CNTNAP3: variants seen among roughly 807,000 people sequenced by gnomAD.
The protein encoded by CNTNAP3 is contactin-associated protein-like 3.
CNTNAP3 carries 36 observed loss-of-function variants against 92.1 expected under a neutral mutation model. That is an observed-to-expected ratio of 0.39 (90% confidence interval 0.30 to 0.52). CNTNAP3 has a LOEUF of 0.52. Among genes scored for constraint, CNTNAP3 ranks in the 20% least tolerant of loss-of-function variants. The probability of loss-of-function intolerance (pLI) is 0.76; values close to 1 mark genes in which losing one functional copy is unlikely to be tolerated. For missense variants in CNTNAP3, 534 were observed against 1,069.6 expected, an observed-to-expected ratio of 0.50 and a Z score of 6.98; for synonymous variants, 232 against 422.3, an observed-to-expected ratio of 0.55 and a Z score of 5.53.
At chr9:39,136,492 A>T (rs1821439376) in intron 12 of CNTNAP3, among the ~76,000 whole-genome samples, 1 of 152,054 alleles carries the variant, frequency 6.6e-6, no homozygotes, top group Non-Finnish European at 1.5e-5. Context: ...TCTCTCTTTC[A>T]CACTTTAAGT....
chr9:39,091,974 T>G (rs1460611162), intron 18 of CNTNAP3, among the ~76,000 whole-genome samples: 9 of 151,570 alleles, frequency 5.9e-5, no homozygotes, highest in Admixed American at 1.3e-4. Context: ...TGTGTTAATT[T>G]TGTAGTTAGT....
At chr9:39,120,989 A>C (rs1261199823) in intron 13 of CNTNAP3, among the ~76,000 whole-genome samples, 1 of 152,200 alleles carries the variant, frequency 6.6e-6, no homozygotes, top group Non-Finnish European at 1.5e-5. Context: ...TACATATTTC[A>C]TTATGAGAGT....
rs1201161550 is a variant in CNTNAP3 at position 39,069,727 on chromosome 9, G to A, written c.*4163C>T. On this transcript the variant is annotated 3_prime_UTR_variant, in exon 24 of 24. Coordinates refer to ENST00000297668, the MANE Select transcript of CNTNAP3 (RefSeq NM_033655.5). ...ATGTAACCTTCTTAAGGTTACATTT[G>A]CACTTAAGTATACCAACTTAAACCG... Among the ~76,000 whole-genome samples the A allele has an allele frequency of 1.1e-4, 16 of 152,334 alleles. No homozygotes were observed. The highest frequency in any genetic ancestry group is 3.9e-4 in the African/African-American group (16 of 41,520).
At chr9:39,118,504 C>T (rs1820916515) in intron 13 of CNTNAP3, among the ~76,000 whole-genome samples, 1 of 152,056 alleles carries the variant, frequency 6.6e-6, no homozygotes, top group African/African-American at 2.4e-5. Flanking sequence ...TATTAGAAAT[C>T]AGTCAGTTGC....
intron 14 of CNTNAP3, among the ~76,000 whole-genome samples, chr9:39,114,706 A>T (rs940669132): frequency 1.9e-4 from 29 of 152,060 alleles, no homozygotes; most frequent in African/African-American, 7.0e-4. Context: ...TATTATGATT[A>T]TTTGTACACT....
At chr9:39,135,578 T>C (rs932239355) in intron 12 of CNTNAP3, among the ~76,000 whole-genome samples, 2 of 152,172 alleles carry the variant, frequency 1.3e-5, no homozygotes, top group Non-Finnish European at 2.9e-5. Flanking sequence ...ATGATTTTGA[T>C]TGGAATTAAC....
chr9:39,138,620 A>G (rs1378056693), intron 12 of CNTNAP3, among the ~76,000 whole-genome samples: 2 of 152,190 alleles, frequency 1.3e-5, no homozygotes, highest in African/African-American at 2.4e-5. Flanking sequence ...TTTTTCTCCA[A>G]CATTCACTGT....
chr9:39,094,031 CTGTTTTTATT>C (rs1826273335), intron 18 of CNTNAP3, among the ~76,000 whole-genome samples: 1 of 141,976 alleles, frequency 7.0e-6, no homozygotes, highest in Non-Finnish European at 1.6e-5. Context: ...TTGTTATTTT[CTGTTTTTATT>C]TATTTATTTA....
chr9:39,099,873 T>A (rs1240595162), intron 18 of CNTNAP3, 38 bp downstream of exon 18: 2 of 1,600,534 alleles, frequency 1.2e-6, no homozygotes, highest in Non-Finnish European at 1.7e-6. Flanking sequence ...TTAAGTTTCA[T>A]GTACTTTCCC....
At chr9:39,104,695 CT>C (rs1025438350) in intron 15 of CNTNAP3, among the ~76,000 whole-genome samples, 4 of 152,020 alleles carry the variant, frequency 2.6e-5, no homozygotes, top group African/African-American at 9.7e-5. Context: ...GTACTTTTGA[CT>C]TTTTGGTATT....
intron 13 of CNTNAP3, among the ~76,000 whole-genome samples, chr9:39,131,896 G>A (rs916055604): frequency 2.0e-5 from 3 of 150,528 alleles, no homozygotes; most frequent in Non-Finnish European, 2.9e-5. Flanking sequence ...ATGCAGGTAT[G>A]GGTTAGCGGA....
rs578214274 is a variant in CNTNAP3, at chr9:39,152,896, G to T, written c.1478-2919C>A. On this transcript the variant is annotated intron_variant, in intron 9 of 23. Transcript: ENST00000297668. ...TTAGCCAGGATGGTCTTGATCTCCT[G>T]ACCTCGTGATCCACCTGCCTCGGCC... 9.5e-5 allele frequency among the ~76,000 whole-genome samples: 10 copies of T among 104,914 alleles called. 1 individual carries two copies. The highest frequency in any genetic ancestry group is 1.6e-4 in the Non-Finnish European group (9 of 54,728). The allele number at this position is 104,914 out of a possible 152,430, so 68.8% of individuals were successfully genotyped here.
rs1410108086 is a variant in CNTNAP3 at position 39,065,462 on chromosome 9, C to T, written c.*8428G>A. Among the ~76,000 whole-genome samples, 33 of 151,154 alleles carry T rather than the reference C, an allele frequency of 2.2e-4. No individual in the cohort carries two copies. Among genetic ancestry groups the T allele is most frequent in the African/African-American group, 7.8e-4 (32 of 41,010 alleles). On this transcript the variant is annotated 3_prime_UTR_variant, in exon 24 of 24. Coordinates refer to ENST00000297668, the MANE Select transcript of CNTNAP3 (RefSeq NM_033655.5). ...GTTCTTGTGTAAGTCTTATAATGGG[C>T]ATAAGTTTTCATTTCTTTTCAATCT... is the stretch of plus-strand genomic sequence containing the variant.
intron 23 of CNTNAP3, among the ~76,000 whole-genome samples, chr9:39,075,064 G>A (rs926980405): frequency 8.5e-5 from 13 of 152,274 alleles, no homozygotes; most frequent in African/African-American, 2.4e-4. Context: ...CACCGCGCCC[G>A]GCCGATAATA....
At chr9:39,082,731 T>G (rs973577652) in intron 21 of CNTNAP3, among the ~76,000 whole-genome samples, 4 of 152,274 alleles carry the variant, frequency 2.6e-5, no homozygotes, top group African/African-American at 7.2e-5. Context: ...ACAAAATCGG[T>G]GGATTCCCCA....
rs1271738566 is a variant in CNTNAP3 at position 39,149,991 on chromosome 9, C to A, written c.1478-14G>T. ...TGTCCAGGCAGCCTAAATATGAAGACAAAAATAGGACAAAAGCAACAACTA... is the reference window on the plus strand; with the variant it reads ...TGTCCAGGCAGCCTAAATATGAAGAAAAAAATAGGACAAAAGCAACAACTA... On this transcript the variant is annotated splice_polypyrimidine_tract_variant and intron_variant, in intron 9 of 23. Transcript: ENST00000297668. The A allele has an allele frequency of 3.7e-6, 6 of 1,610,826 alleles. No individual in the cohort carries two copies. Among genetic ancestry groups the A allele is most frequent in the African/African-American group, 1.3e-5 (1 of 74,714 alleles).
chr9:39,121,750 T>G (rs185157099), intron 13 of CNTNAP3, among the ~76,000 whole-genome samples: 148 of 149,824 alleles, frequency 9.9e-4, no homozygotes, highest in African/African-American at 3.4e-3. Flanking sequence ...CATCAAGTTC[T>G]CAGAATAAAG....
intron 21 of CNTNAP3, among the ~76,000 whole-genome samples, 183 bp from the exon 22 acceptor site, chr9:39,079,103 A>C (rs1181278164): frequency 6.6e-6 from 1 of 152,040 alleles, no homozygotes; most frequent in East Asian, 1.9e-4. Flanking sequence ...AACTATTTCC[A>C]TTGTCAGGGT....
intron 13 of CNTNAP3, among the ~76,000 whole-genome samples, chr9:39,120,324 T>C (rs1054642769): frequency 5.3e-5 from 8 of 152,160 alleles, no homozygotes; most frequent in Non-Finnish European, 1.0e-4. Flanking sequence ...TAGAAAAGAA[T>C]TGTCAACTAT....
Sources: allele counts gnomAD v4.1 joint callset (sites outside exome capture counted in the v4.1 genomes callset), GRCh38; gene constraint gnomAD v4.1.1; transcripts MANE v1.5; gene names NCBI Gene and HGNC (gene_info 2026-07-23, HGNC 2026-07-21).